The following ANO5 variants were observed in gnomAD, a reference collection of about 807,000 sequenced individuals.
ANO5 encodes anoctamin-5.
A neutral mutation model predicts 121.0 loss-of-function variants in ANO5; 109 were observed. The observed-to-expected ratio is 0.90, with a 90% CI of 0.77 to 1.06. The LOEUF (loss-of-function observed/expected upper bound fraction) is 1.06. Among genes scored for constraint, ANO5 ranks in the 50% least tolerant of loss-of-function variants. The probability of loss-of-function intolerance (pLI) is 0.00; values close to 1 mark genes in which losing one functional copy is unlikely to be tolerated. For missense variants in ANO5, 1,064 were observed against 1,078.5 expected (o/e 0.99, Z 0.19); for synonymous variants, 406 against 359.9 (o/e 1.13, Z -1.45).
In ANO5 at chr11:22,255,924, G is replaced by T. The variant is rs553997257; in HGVS notation, c.1332+402G>T. Among the ~76,000 whole-genome samples the T allele has an allele frequency of 3.3e-5, 5 of 152,210 alleles. No homozygotes were observed. In the South Asian group the frequency reaches 1.0e-3, roughly 32 times the overall value. On this transcript the variant is annotated intron_variant, in intron 13 of 21. Transcript: ENST00000324559. ...AAATAATGTGTATGCTGTGGGCTTTGCATATAAATGTACAGACATTGAAAT... is the reference window on the plus strand; with the variant it reads ...AAATAATGTGTATGCTGTGGGCTTTTCATATAAATGTACAGACATTGAAAT...
intron 1 of ANO5, among the ~76,000 whole-genome samples, chr11:22,195,257 C>G (rs7110597): frequency 0.53 from 80,161 of 151,932 alleles, 22,707 homozygotes; most frequent in Middle Eastern, 0.66. Context: ...GATCATTTGC[C>G]TGTTTACAAA....
chr11:22,271,216 C>T (rs1429274403), intron 18 of ANO5, among the ~76,000 whole-genome samples: 5 of 152,022 alleles, frequency 3.3e-5, no homozygotes, highest in Non-Finnish European at 7.4e-5. Flanking sequence ...CCATCACGCC[C>T]GGCTAATTTT....
intron 17 of ANO5, among the ~76,000 whole-genome samples, chr11:22,268,393 G>C (rs1470408767): frequency 6.6e-6 from 1 of 151,628 alleles, no homozygotes; most frequent in African/African-American, 2.4e-5. Flanking sequence ...TGTCACATCA[G>C]TGTCTAGGTA....
chr11:22,257,907 T>A (rs1042953189), intron 14 of ANO5, among the ~76,000 whole-genome samples, 153 bp downstream of exon 14: 6 of 152,124 alleles, frequency 3.9e-5, no homozygotes, highest in African/African-American at 1.4e-4. Context: ...CAAAATAAAC[T>A]GTAATTTATG....
At chr11:22,245,755 T>C (rs1257571079) in intron 9 of ANO5, among the ~76,000 whole-genome samples, 1 of 152,188 alleles carries the variant, frequency 6.6e-6, no homozygotes, top group Non-Finnish European at 1.5e-5. Flanking sequence ...ACATTCTCAA[T>C]GTGTTGTCTG....
At chr11:22,205,030 A>G (rs567296042) in intron 2 of ANO5, among the ~76,000 whole-genome samples, 5 of 152,168 alleles carry the variant, frequency 3.3e-5, no homozygotes, top group African/African-American at 1.2e-4. Flanking sequence ...AAATGACAAG[A>G]TCATGTCCTT....
intron 14 of ANO5, 49 bp from the exon 15 acceptor site, chr11:22,259,470 A>G: frequency 6.6e-7 from 1 of 1,504,088 alleles, no homozygotes; most frequent in Admixed American, 1.7e-5. Context: ...ATATATTCAT[A>G]ACAGAGATAC....
At chr11:22,246,847 A>C (rs1167516095) in intron 9 of ANO5, among the ~76,000 whole-genome samples, 1 of 123,488 alleles carries the variant, frequency 8.1e-6, no homozygotes, top group Non-Finnish European at 1.6e-5. Context: ...ACAGAGTGAG[A>C]CCCTGTTTCA....
chr11:22,202,803 C>G (rs1852003279), intron 1 of ANO5, among the ~76,000 whole-genome samples: 3 of 152,140 alleles, frequency 2.0e-5, no homozygotes, highest in African/African-American at 7.2e-5. Flanking sequence ...CTTCACACTG[C>G]CTTCTTCTGT....
intron 15 of ANO5, among the ~76,000 whole-genome samples, 158 bp downstream of exon 15, chr11:22,259,899 T>C (rs1015615222): frequency 1.3e-5 from 2 of 148,646 alleles, no homozygotes; most frequent in African/African-American, 5.0e-5. Flanking sequence ...TCAAAATTGC[T>C]CAAGAGCCAC....
At chr11:22,274,480 A>C (rs1486136196) in intron 19 of ANO5, 89 bp from the exon 20 acceptor site, 2 of 1,212,792 alleles carry the variant, frequency 1.6e-6, no homozygotes, top group Non-Finnish European at 2.3e-6. Flanking sequence ...CATCTATATA[A>C]TTTATGGTAC....
chr11:22,252,036 A>C (rs1853838875), intron 12 of ANO5, among the ~76,000 whole-genome samples: 1 of 128,944 alleles, frequency 7.8e-6, no homozygotes, highest in Non-Finnish European at 1.5e-5. Context: ...TCTCAAAAAA[A>C]AAAAAAAAAA....
intron 13 of ANO5, among the ~76,000 whole-genome samples, chr11:22,257,151 A>C (rs950144634): frequency 2.8e-4 from 43 of 151,780 alleles, no homozygotes; most frequent in Non-Finnish European, 1.5e-5. Context: ...TTACTTCTTG[A>C]TGCACCTAAG....
At chr11:22,265,983 G>A (rs1854347686) in intron 17 of ANO5, among the ~76,000 whole-genome samples, 1 of 152,108 alleles carries the variant, frequency 6.6e-6, no homozygotes, top group African/African-American at 2.4e-5. Context: ...TAAGACAGGT[G>A]CAAAAACAAT....
chr11:22,217,053 G>T (rs1022128365), intron 3 of ANO5, among the ~76,000 whole-genome samples: 4 of 151,858 alleles, frequency 2.6e-5, no homozygotes, highest in Non-Finnish European at 5.9e-5. Context: ...ACCAACATTT[G>T]TCTTGTATCT....
chr11:22,225,465 G>A (rs528147696), intron 5 of ANO5, among the ~76,000 whole-genome samples: 3 of 152,026 alleles, frequency 2.0e-5, no homozygotes, highest in Non-Finnish European at 2.9e-5. Context: ...ACTACAAAAC[G>A]AACAAACAAA....
chr11:22,233,727 A>C (rs2133637739), intron 7 of ANO5, among the ~76,000 whole-genome samples: 1 of 152,228 alleles, frequency 6.6e-6, no homozygotes. Flanking sequence ...CCTGTGAAGA[A>C]GGGCTCTCTG....
chr11:22,231,528 TAATC>T (rs766714394), intron 7 of ANO5, among the ~76,000 whole-genome samples: 2 of 151,976 alleles, frequency 1.3e-5, no homozygotes, highest in Non-Finnish European at 2.9e-5. Context: ...CAGTAGATAT[TAATC>T]TATCTATTCA....
intron 4 of ANO5, among the ~76,000 whole-genome samples, chr11:22,219,129 GTC>G (rs1290187564): frequency 1.3e-5 from 2 of 152,054 alleles, no homozygotes; most frequent in African/African-American, 4.8e-5. Flanking sequence ...CCTGAGACAT[GTC>G]TCTCATGCTG....
Sources: allele counts gnomAD v4.1 joint callset (sites outside exome capture counted in the v4.1 genomes callset), GRCh38; gene constraint gnomAD v4.1.1; transcripts MANE v1.5; gene names NCBI Gene and HGNC (gene_info 2026-07-23, HGNC 2026-07-21).